ATRNL1: variants seen among roughly 807,000 people sequenced by gnomAD.
The protein encoded by ATRNL1 is attractin-like protein 1.
A neutral mutation model predicts 182.7 loss-of-function variants in ATRNL1; 95 were observed. The observed-to-expected ratio is 0.52, with a 90% CI of 0.44 to 0.62. The LOEUF is 0.62. Ranked by LOEUF, ATRNL1 falls within the 20% of genes least tolerant of loss-of-function variation. The probability of loss-of-function intolerance (pLI) is 0.00; values close to 1 mark genes in which losing one functional copy is unlikely to be tolerated. For missense variants in ATRNL1, 1,471 were observed against 1,679.5 expected (o/e 0.88, Z 2.17); for synonymous variants, 576 against 568.3 (o/e 1.01, Z -0.19).
chr10:115,720,086 C>T (rs370733818), intron 26 of ATRNL1, among the ~76,000 whole-genome samples: 58 of 152,130 alleles, frequency 3.8e-4, no homozygotes, highest in African/African-American at 1.2e-3. Flanking sequence ...TGGCCTTGAA[C>T]GCCTGACCTC....
rs1856708835 is a variant in ATRNL1 at position 115,360,769 on chromosome 10, G to C, written c.3175+26350G>C. Among the ~76,000 whole-genome samples the C allele has an allele frequency of 3.3e-5, 5 of 151,652 alleles. No individual in the cohort carries two copies. In the South Asian group the frequency reaches 8.3e-4, roughly 25 times the overall value. Reference sequence around the variant, plus strand: ...ATGGTGGATTCCTGCACCTGTCTTAGTCTTTAACCTGGGTAATTTCCCAAC... The same window carrying C: ...ATGGTGGATTCCTGCACCTGTCTTACTCTTTAACCTGGGTAATTTCCCAAC... On this transcript the variant is annotated intron_variant, in intron 19 of 28. Transcript: ENST00000355044.
chr10:115,591,893 T>A (rs868962926), intron 26 of ATRNL1, among the ~76,000 whole-genome samples: 1 of 152,184 alleles, frequency 6.6e-6, no homozygotes, highest in Non-Finnish European at 1.5e-5. Flanking sequence ...ACAGTACTAT[T>A]CACAATAGCA....
intron 15 of ATRNL1, among the ~76,000 whole-genome samples, chr10:115,294,301 C>A (rs1853069523): frequency 6.6e-6 from 1 of 152,174 alleles, no homozygotes; most frequent in African/African-American, 2.4e-5. Flanking sequence ...GCCTAGGCAA[C>A]ATAGCAAGAT....
intron 8 of ATRNL1, among the ~76,000 whole-genome samples, chr10:115,191,215 T>G (rs1554889770): frequency 6.6e-6 from 1 of 152,140 alleles, no homozygotes; most frequent in South Asian, 2.1e-4. Context: ...CAGATTTTCT[T>G]TCTTTTGGAT....
At chr10:115,571,255 G>A (rs572198283) in intron 26 of ATRNL1, among the ~76,000 whole-genome samples, 1 of 152,252 alleles carries the variant, frequency 6.6e-6, no homozygotes, top group South Asian at 2.1e-4. Flanking sequence ...ATAGGACCAG[G>A]TCAGACATAA....
chr10:115,241,196 A>C (rs1554902769), intron 9 of ATRNL1, among the ~76,000 whole-genome samples: 1 of 151,970 alleles, frequency 6.6e-6, no homozygotes, highest in African/African-American at 2.4e-5. Context: ...AATATAGTTT[A>C]GACTAAATTT....
At chr10:115,332,954 T>C (rs1295993623) in intron 18 of ATRNL1, among the ~76,000 whole-genome samples, 3 of 152,220 alleles carry the variant, frequency 2.0e-5, no homozygotes, top group African/African-American at 7.2e-5. Context: ...AACTTCCACA[T>C]AGCATTGTTT....
chr10:115,225,502 A>AATATG (rs1849658878), intron 9 of ATRNL1, among the ~76,000 whole-genome samples: 3 of 148,546 alleles, frequency 2.0e-5, no homozygotes. Context: ...AATATAATAT[A>AATATG]ATATGTATAT....
chr10:115,269,479 C>T (rs986189733), intron 13 of ATRNL1, among the ~76,000 whole-genome samples: 2 of 152,058 alleles, frequency 1.3e-5, no homozygotes, highest in Admixed American at 1.3e-4. Flanking sequence ...GGATTATAGG[C>T]AGGCACCACC....
At chr10:115,208,789 C>A (rs539054317) in intron 8 of ATRNL1, among the ~76,000 whole-genome samples, 22 of 152,062 alleles carry the variant, frequency 1.4e-4, no homozygotes, top group Non-Finnish European at 2.4e-4. Context: ...GACTTTTCTG[C>A]AGATCTCTGT....
intron 26 of ATRNL1, among the ~76,000 whole-genome samples, chr10:115,724,030 T>A (rs935729243): frequency 1.9e-4 from 28 of 147,864 alleles, no homozygotes; most frequent in African/African-American, 6.1e-4. Context: ...TTTGTTCTTT[T>A]GGCTTTATTG....
chr10:115,640,617 TG>T (rs1859178224), intron 26 of ATRNL1, among the ~76,000 whole-genome samples: 1 of 152,200 alleles, frequency 6.6e-6, no homozygotes, highest in Non-Finnish European at 1.5e-5. Context: ...CACTTTTTGA[TG>T]GGGTTGTATT....
intron 13 of ATRNL1, among the ~76,000 whole-genome samples, chr10:115,271,886 A>T (rs1322916316): frequency 6.6e-6 from 1 of 152,008 alleles, no homozygotes; most frequent in Non-Finnish European, 1.5e-5. Flanking sequence ...CCGGTCTTGG[A>T]GGTGGGGCTT....
intron 27 of ATRNL1, among the ~76,000 whole-genome samples, chr10:115,759,026 A>G (rs992748625): frequency 9.2e-5 from 14 of 152,308 alleles, no homozygotes; most frequent in South Asian, 2.1e-4. Flanking sequence ...ACTTCATTCA[A>G]TCTTTGCAAC....
At chr10:115,745,283 G>A (rs1948259179) in intron 27 of ATRNL1, among the ~76,000 whole-genome samples, 1 of 152,022 alleles carries the variant, frequency 6.6e-6, no homozygotes, top group South Asian at 2.1e-4. Context: ...CTTTCAATGA[G>A]CTCCAACCAT....
intron 18 of ATRNL1, among the ~76,000 whole-genome samples, chr10:115,330,847 AT>A (rs143060018): frequency 0.044 from 6,556 of 150,546 alleles, 477 homozygotes; most frequent in African/African-American, 0.15. Context: ...ATTTTCTGTT[AT>A]TTTTTTTAAA....
chr10:115,491,477 C>T (rs11815165), intron 24 of ATRNL1, among the ~76,000 whole-genome samples: 5,579 of 151,998 alleles, frequency 0.037, 310 homozygotes, highest in African/African-American at 0.13. Flanking sequence ...GCAGTCTGGC[C>T]GCAGTAGCCT....
intron 19 of ATRNL1, among the ~76,000 whole-genome samples, chr10:115,368,349 C>T (rs1337848773): frequency 1.3e-5 from 2 of 152,236 alleles, no homozygotes; most frequent in Admixed American, 6.5e-5. Flanking sequence ...CCTTGCGCTT[C>T]CCAAGTGAGG....
intron 24 of ATRNL1, among the ~76,000 whole-genome samples, chr10:115,502,550 T>TTTATAAACAATTTATTAAATTTTTTTA (rs1849898908): frequency 1.3e-5 from 2 of 152,014 alleles, no homozygotes; most frequent in Non-Finnish European, 2.9e-5. Flanking sequence ...AATTTTTTTT[T>TTTATAAACAATTTATTAAATTTTTTTA]AATTTTATAA....
Sources: allele counts gnomAD v4.1 joint callset (sites outside exome capture counted in the v4.1 genomes callset), GRCh38; gene constraint gnomAD v4.1.1; transcripts MANE v1.5; gene names NCBI Gene and HGNC (gene_info 2026-07-23, HGNC 2026-07-21).